Variants in TRPC6 observed in about 807,000 individuals in gnomAD.
The protein encoded by TRPC6 is short transient receptor potential channel 6.
Under a neutral mutation model 90.7 loss-of-function variants are expected in TRPC6, and 55 were observed. The ratio of observed to expected loss-of-function variants is 0.61; its 90% CI spans 0.49 to 0.76. The LOEUF (loss-of-function observed/expected upper bound fraction) is 0.76, where lower values mean the gene tolerates loss of function less well. TRPC6 is among the 30% of genes least tolerant of loss of function. The pLI is 0.00. For missense variants in TRPC6, 989 were observed against 1,122.7 expected (o/e 0.88, Z 1.70); for synonymous variants, 393 against 393.0 (o/e 1.00, Z 0.00).
chr11:101,530,624 C>A (rs1212114066), intron 1 of TRPC6, among the ~76,000 whole-genome samples: 1 of 152,124 alleles, frequency 6.6e-6, no homozygotes, highest in African/African-American at 2.4e-5. Context: ...CCATTTTCTG[C>A]AGACCTTGAA....
intron 1 of TRPC6, among the ~76,000 whole-genome samples, chr11:101,547,982 C>T (rs1225577424): frequency 6.6e-6 from 1 of 152,044 alleles, no homozygotes; most frequent in Non-Finnish European, 1.5e-5. Flanking sequence ...ACACATACTT[C>T]TCACATATAA....
chr11:101,455,716 C>T (rs1858867612), intron 10 of TRPC6: 1 of 152,302 alleles, frequency 6.6e-6, no homozygotes, highest in African/African-American at 2.4e-5. Context: ...TATTAACATG[C>T]TAAGAGGATG....
chr11:101,545,972 AAAG>A (rs1167701047), intron 1 of TRPC6, among the ~76,000 whole-genome samples: 8 of 151,638 alleles, frequency 5.3e-5, no homozygotes, highest in Non-Finnish European at 1.0e-4. Context: ...ATAGGGCTAT[AAAG>A]AAGAAGAGAG....
chr11:101,469,315 T>C (rs960282952), intron 10 of TRPC6, 112 bp downstream of exon 10: 2 of 659,336 alleles, frequency 3.0e-6, no homozygotes, highest in Non-Finnish European at 5.5e-6. Flanking sequence ...AGTTGAATTA[T>C]TTAATGGGTC....
At chr11:101,561,399 C>A (rs1307429306) in intron 1 of TRPC6, among the ~76,000 whole-genome samples, 1 of 152,108 alleles carries the variant, frequency 6.6e-6, no homozygotes, top group Non-Finnish European at 1.5e-5. Flanking sequence ...AGAATAAGCA[C>A]CCTTATAAAT....
At chr11:101,485,870 G>A (rs1214377263) in intron 4 of TRPC6, among the ~76,000 whole-genome samples, 2 of 152,066 alleles carry the variant, frequency 1.3e-5, no homozygotes, top group Admixed American at 6.6e-5. Context: ...TCACTGTCCT[G>A]AACAACTCTA....
intron 1 of TRPC6, among the ~76,000 whole-genome samples, chr11:101,555,067 G>A (rs773408480): frequency 6.6e-6 from 1 of 152,154 alleles, no homozygotes. Context: ...GATAGTCACT[G>A]AGCCCTCACT....
At chr11:101,512,129 G>C (rs72972209) in intron 1 of TRPC6, among the ~76,000 whole-genome samples, 2,980 of 152,236 alleles carry the variant, frequency 0.02, 57 homozygotes, top group Non-Finnish European at 0.031. Context: ...TGAACTTCCA[G>C]ATAGTCTTCT....
At chr11:101,559,480 T>G (rs1484876359) in intron 1 of TRPC6, among the ~76,000 whole-genome samples, 1 of 152,100 alleles carries the variant, frequency 6.6e-6, no homozygotes, top group Non-Finnish European at 1.5e-5. Context: ...CAAATAATGA[T>G]CATGACATAT....
chr11:101,558,161 A>G (rs1006633407), intron 1 of TRPC6, among the ~76,000 whole-genome samples: 2 of 148,776 alleles, frequency 1.3e-5, no homozygotes, highest in Non-Finnish European at 3.0e-5. Flanking sequence ...ACTGGCAAAT[A>G]CACAAACACA....
chr11:101,466,969 G>T (rs919781188), intron 10 of TRPC6, among the ~76,000 whole-genome samples: 1 of 131,966 alleles, frequency 7.6e-6, no homozygotes. Context: ...TCCCTTGGGT[G>T]GGGGAGAAAT....
intron 1 of TRPC6, among the ~76,000 whole-genome samples, chr11:101,518,868 A>G (rs927200628): frequency 4.6e-5 from 7 of 152,220 alleles, no homozygotes; most frequent in Non-Finnish European, 1.0e-4. Flanking sequence ...ATAAAAAAGA[A>G]TGAGATCCAG....
In TRPC6 at chr11:101,452,260, A is replaced by T. The variant is rs1858780231; in HGVS notation, c.*695T>A. The T allele has an allele frequency of 6.6e-6, 1 of 151,990 alleles. No homozygotes were observed. The highest frequency in any genetic ancestry group is 2.4e-5 in the African/African-American group (1 of 41,308). The allele number at this position is 151,990 out of a possible 1,614,324, so 9.4% of individuals were successfully genotyped here. ...AGCCACAAACTAGGGCAAGTACTTT[A>T]TGTCTGTGTGTACACATTTACACAC... On this transcript the variant is annotated 3_prime_UTR_variant, in exon 13 of 13. Coordinates refer to ENST00000344327, the MANE Select transcript of TRPC6 (RefSeq NM_004621.6).
At chr11:101,582,681 C>A (rs1862223879) in intron 1 of TRPC6, among the ~76,000 whole-genome samples, 2 of 152,126 alleles carry the variant, frequency 1.3e-5, no homozygotes, top group South Asian at 4.1e-4. Flanking sequence ...CTAACAGGCT[C>A]GTCTCCCCAG....
At chr11:101,527,901 G>A (rs1203913510) in intron 1 of TRPC6, among the ~76,000 whole-genome samples, 5 of 151,938 alleles carry the variant, frequency 3.3e-5, no homozygotes, top group Non-Finnish European at 5.9e-5. Context: ...GTGTAACCCT[G>A]TCTCTACTAA....
At chr11:101,577,078 A>G (rs1862086006) in intron 1 of TRPC6, among the ~76,000 whole-genome samples, 2 of 152,052 alleles carry the variant, frequency 1.3e-5, no homozygotes, top group Admixed American at 1.3e-4. Context: ...ATTACTCCTA[A>G]TAGAAGGGGA....
At chr11:101,522,211 G>A (rs539650869) in intron 1 of TRPC6, among the ~76,000 whole-genome samples, 1 of 152,160 alleles carries the variant, frequency 6.6e-6, no homozygotes, top group Non-Finnish European at 1.5e-5. Context: ...GGCCTGGTAG[G>A]AGGTGATCAA....
intron 1 of TRPC6, among the ~76,000 whole-genome samples, chr11:101,529,407 A>G (rs1591113706): frequency 6.6e-6 from 1 of 152,242 alleles, no homozygotes; most frequent in Non-Finnish European, 1.5e-5. Context: ...TCATAAAAAG[A>G]ATTAAATTGC....
intron 2 of TRPC6, 94 bp from the exon 3 acceptor site, chr11:101,491,832 C>CTTTTTTTTTTTTTT (rs1859822211): frequency 1.8e-6 from 1 of 566,454 alleles, no homozygotes; most frequent in African/African-American, 3.4e-5. Flanking sequence ...TTAAGAGAAA[C>CTTTTTTTTTTTTTT]ATTCTTTTTT....
Sources: allele counts gnomAD v4.1 joint callset (sites outside exome capture counted in the v4.1 genomes callset), GRCh38; gene constraint gnomAD v4.1.1; transcripts MANE v1.5; gene names NCBI Gene and HGNC (gene_info 2026-07-23, HGNC 2026-07-21).